Variants in DENND1B observed in about 807,000 individuals in gnomAD.
DENND1B encodes the protein DENN domain-containing protein 1B.
DENND1B carries 59 observed loss-of-function variants against 90.1 expected under a neutral mutation model. The observed-to-expected ratio is 0.65, with a 90% CI of 0.53 to 0.81. DENND1B has a LOEUF of 0.81. Ranked by LOEUF, DENND1B falls within the 40% of genes least tolerant of loss-of-function variation. The pLI is 0.00. For missense variants in DENND1B, 862 were observed against 912.6 expected, an observed-to-expected ratio of 0.94 and a Z score of 0.71; for synonymous variants, 337 against 324.6, an observed-to-expected ratio of 1.04 and a Z score of -0.41.
chr1:197,768,164 C>T (rs1377982142), intron 2 of DENND1B, among the ~76,000 whole-genome samples: 1 of 151,622 alleles, frequency 6.6e-6, no homozygotes, highest in Non-Finnish European at 1.5e-5. Context: ...CCTCCTCCTC[C>T]TCTTCGTCGT....
At chr1:197,516,143 A>G (rs1668382907) in intron 20 of DENND1B, among the ~76,000 whole-genome samples, 1 of 151,870 alleles carries the variant, frequency 6.6e-6, no homozygotes, top group Non-Finnish European at 1.5e-5. Flanking sequence ...AAGTTTTAAC[A>G]CTACAATTAA....
At position 197,602,624 on chromosome 1, in the gene DENND1B, T is replaced by C. The variant is rs531912865; in HGVS notation, c.921+4449A>G. On this transcript the variant is annotated intron_variant, in intron 13 of 22. Transcript: ENST00000620048. ...TAACATATATTATGACAATTTAACATGTTAAACCTTCATGTTAGATTACAG... is the reference window on the plus strand; with the variant it reads ...TAACATATATTATGACAATTTAACACGTTAAACCTTCATGTTAGATTACAG... 4.0e-5 allele frequency among the ~76,000 whole-genome samples: 6 copies of C among 151,440 alleles called. No homozygotes were observed. In the East Asian group the frequency reaches 1.2e-3, roughly 30 times the overall value.
intron 2 of DENND1B, among the ~76,000 whole-genome samples, chr1:197,752,328 C>A (rs1366336062): frequency 6.6e-6 from 1 of 151,564 alleles, no homozygotes; most frequent in South Asian, 2.1e-4. Flanking sequence ...TGAAAATTAC[C>A]AAAACTGACA....
chr1:197,524,283 A>G (rs1668986461), intron 20 of DENND1B, among the ~76,000 whole-genome samples: 1 of 152,170 alleles, frequency 6.6e-6, no homozygotes, highest in African/African-American at 2.4e-5. Context: ...AATATTACTA[A>G]TATTTATGAA....
At chr1:197,538,163 G>C (rs868044198) in intron 20 of DENND1B, among the ~76,000 whole-genome samples, 1 of 151,990 alleles carries the variant, frequency 6.6e-6, no homozygotes, top group African/African-American at 2.4e-5. Context: ...AGGTAACAAA[G>C]ATCTCATATT....
chr1:197,755,318 A>G (rs182207992), intron 2 of DENND1B, among the ~76,000 whole-genome samples: 9 of 152,336 alleles, frequency 5.9e-5, no homozygotes, highest in Admixed American at 5.9e-4. Context: ...AATCAAATAA[A>G]TAATTCATAT....
chr1:197,644,093 T>C (rs1223067230), intron 9 of DENND1B, among the ~76,000 whole-genome samples: 3 of 152,220 alleles, frequency 2.0e-5, no homozygotes, highest in Non-Finnish European at 2.9e-5. Flanking sequence ...GTGGGTGATG[T>C]TGAATTTGGT....
chr1:197,566,787 G>A (rs745416146), intron 15 of DENND1B, among the ~76,000 whole-genome samples: 21 of 151,750 alleles, frequency 1.4e-4, no homozygotes, highest in Non-Finnish European at 2.5e-4. Flanking sequence ...ATTCATAGAA[G>A]TATGAGAGGT....
Position 197,540,982 on chromosome 1 carries a change from C to T in DENND1B, c.1384G>A (p.Val462Met). The T allele has an allele frequency of 6.2e-7, 1 of 1,612,728 alleles. No individual in the cohort carries two copies. Among genetic ancestry groups the T allele is most frequent in the Non-Finnish European group, 8.5e-7 (1 of 1,179,244 alleles). ...ACCTTGTGTTTTAGTTTACTCTTCACTTCCTTTAGTCCCAGCTTTGCATGA... is the reference window on the plus strand; with the variant it reads ...ACCTTGTGTTTTAGTTTACTCTTCATTTCCTTTAGTCCCAGCTTTGCATGA... ...KNHAKLGLKE[V>M]KSKLKHKENE... The change falls in exon 19 of 23, where the codon GTG (valine) becomes ATG (methionine). Residue 462 changes from valine (V) to methionine (M), a missense_variant. Transcript: ENST00000620048.
At chr1:197,544,245 T>A (rs1004238952) in intron 18 of DENND1B, among the ~76,000 whole-genome samples, 31 of 152,108 alleles carry the variant, frequency 2.0e-4, no homozygotes, top group Non-Finnish European at 2.2e-4. Context: ...TCAGGGGAAA[T>A]AATGTCTGAA....
intron 15 of DENND1B, among the ~76,000 whole-genome samples, chr1:197,571,077 C>CTT (rs1553291524): frequency 6.6e-6 from 1 of 151,864 alleles, no homozygotes; most frequent in Admixed American, 6.6e-5. Context: ...ACCTCTCAAA[C>CTT]AAACAAATTC....
chr1:197,529,232 ATATATATATATG>A (rs1257408542), intron 20 of DENND1B, among the ~76,000 whole-genome samples: 3 of 12,466 alleles, frequency 2.4e-4, no homozygotes, highest in African/African-American at 4.9e-4. Context: ...ATATATATAT[ATATATATATATG>A]TGTGTGTGTG....
At chr1:197,659,801 C>A (rs1345218113) in intron 5 of DENND1B, among the ~76,000 whole-genome samples, 6 of 151,702 alleles carry the variant, frequency 4.0e-5, no homozygotes, top group African/African-American at 1.5e-4. Context: ...AGAAAAAAGC[C>A]CCTCGAAGTC....
chr1:197,668,945 T>C (rs1023000370), intron 5 of DENND1B, among the ~76,000 whole-genome samples: 2 of 152,108 alleles, frequency 1.3e-5, no homozygotes, highest in African/African-American at 4.8e-5. Context: ...CTAATCTTAA[T>C]GGGCTCATTT....
chr1:197,589,724 C>T (rs896522563), intron 14 of DENND1B, among the ~76,000 whole-genome samples: 2 of 152,170 alleles, frequency 1.3e-5, no homozygotes, highest in Non-Finnish European at 2.9e-5. Flanking sequence ...GATAACTCCT[C>T]CACCTTGTCA....
intron 15 of DENND1B, among the ~76,000 whole-genome samples, chr1:197,567,067 A>G (rs1672737240): frequency 6.6e-6 from 1 of 152,072 alleles, no homozygotes; most frequent in Admixed American, 6.6e-5. Flanking sequence ...AGAAACGATC[A>G]ATGAAACTGA....
chr1:197,571,986 T>C (rs1673197230), intron 15 of DENND1B, among the ~76,000 whole-genome samples: 1 of 152,122 alleles, frequency 6.6e-6, no homozygotes. Context: ...GGTCTGCAGC[T>C]CCCAGTGTGA....
intron 2 of DENND1B, among the ~76,000 whole-genome samples, chr1:197,763,359 A>G (rs1204252425): frequency 1.3e-5 from 2 of 152,238 alleles, no homozygotes. Flanking sequence ...TTTAAAAGAA[A>G]GGAATTTAAC....
chr1:197,513,154 C>G (rs1668151550), intron 20 of DENND1B, among the ~76,000 whole-genome samples: 1 of 120,324 alleles, frequency 8.3e-6, no homozygotes, highest in Admixed American at 9.8e-5. Flanking sequence ...TCAACACTTA[C>G]TAACTTCTCA....
Sources: gnomAD v4.1 joint callset for allele counts (sites outside exome capture counted in the v4.1 genomes callset) on GRCh38, gnomAD v4.1.1 for gene constraint, MANE v1.5 for transcripts, NCBI Gene and HGNC (gene_info 2026-07-23, HGNC 2026-07-21) for gene names.